The following ASXL3 variants were observed in gnomAD, a reference collection of about 807,000 sequenced individuals.
ASXL3 encodes ASXL transcriptional regulator 3.
In ASXL3, 34 loss-of-function variants were observed where a neutral mutation model predicts 170.6. The observed-to-expected ratio is 0.20, with a 90% CI of 0.15 to 0.27. ASXL3 has a LOEUF of 0.27. Among genes scored for constraint, ASXL3 ranks in the 10% least tolerant of loss-of-function variants. The probability of loss-of-function intolerance (pLI) is 1.00; values close to 1 mark genes in which losing one functional copy is unlikely to be tolerated. For missense variants in ASXL3, 2,592 were observed against 2,695.3 expected, an observed-to-expected ratio of 0.96 and a Z score of 0.85; for synonymous variants, 1,002 against 989.1, an observed-to-expected ratio of 1.01 and a Z score of -0.24.
intron 4 of ASXL3, among the ~76,000 whole-genome samples, chr18:33,657,277 C>T (rs999326611): frequency 1.3e-5 from 2 of 152,046 alleles, no homozygotes; most frequent in African/African-American, 4.8e-5. Flanking sequence ...ACAACAAACA[C>T]AGCAAGTAGA....
intron 4 of ASXL3, among the ~76,000 whole-genome samples, chr18:33,656,177 A>G (rs953983412): frequency 6.6e-6 from 1 of 152,092 alleles, no homozygotes; most frequent in Non-Finnish European, 1.5e-5. Flanking sequence ...CTAATACACT[A>G]TGTATCCTTT....
chr18:33,670,661 T>TA lies in ASXL3; in HGVS notation c.478-11dup. On this transcript the variant is annotated splice_polypyrimidine_tract_variant and intron_variant, in intron 5 of 11. Transcript: ENST00000269197. Reference sequence around the variant, plus strand: ...ATATTTTTATGTTATATCTTTTTATTATGTTTTGTAGGCTTTGAGGCAGCA... The same window carrying TA: ...ATATTTTTATGTTATATCTTTTTATTAATGTTTTGTAGGCTTTGAGGCAGCA... The TA allele has an allele frequency of 6.7e-7, 1 of 1,502,486 alleles. No homozygotes were observed. 93.1% of individuals were successfully genotyped at this position (1,502,486 alleles called of 1,614,324 possible). A position where few individuals can be genotyped will look rare whatever the true frequency, so the allele number is the denominator to read the frequency against.
rs987396178 is a variant in ASXL3, at chr18:33,618,965, C to G, written c.137+11289C>G. Among the ~76,000 whole-genome samples, 10 of 151,976 alleles carry G rather than the reference C, an allele frequency of 6.6e-5. No individual in the cohort carries two copies. In the East Asian group the frequency reaches 1.9e-3, roughly 29 times the overall value. ...AAATGCTGTGTTTTATATAGTATGT[C>G]AAGCAAATTAATAAATAGGGACATG... is the stretch of plus-strand genomic sequence containing the variant. On this transcript the variant is annotated intron_variant, in intron 2 of 11. Coordinates refer to ENST00000269197, the MANE Select transcript of ASXL3 (RefSeq NM_030632.3).
At chr18:33,686,856 G>A (rs983543589) in intron 8 of ASXL3, among the ~76,000 whole-genome samples, 11 of 152,150 alleles carry the variant, frequency 7.2e-5, no homozygotes, top group African/African-American at 2.7e-4. Flanking sequence ...AGAATCCAAA[G>A]GATAAATAAA....
intron 1 of ASXL3, among the ~76,000 whole-genome samples, chr18:33,580,053 T>C (rs1176344280): frequency 1.3e-5 from 2 of 152,212 alleles, no homozygotes; most frequent in African/African-American, 4.8e-5. Flanking sequence ...ACAAAGTCCT[T>C]TTTAATTGCA....
intron 1 of ASXL3, among the ~76,000 whole-genome samples, chr18:33,580,815 G>C (rs1283976075): frequency 6.6e-6 from 1 of 152,134 alleles, no homozygotes; most frequent in East Asian, 1.9e-4. Context: ...TATTGAACTA[G>C]TAGTTATGGT....
intron 4 of ASXL3, among the ~76,000 whole-genome samples, chr18:33,646,600 T>G (rs1187495940): frequency 6.6e-6 from 1 of 152,058 alleles, no homozygotes; most frequent in African/African-American, 2.4e-5. Context: ...AATACTTCTT[T>G]AAGTATCAAC....
intron 2 of ASXL3, among the ~76,000 whole-genome samples, chr18:33,613,660 T>C (rs1291947488): frequency 2.6e-5 from 4 of 152,156 alleles, no homozygotes; most frequent in African/African-American, 4.8e-5. Context: ...GACTCATGCC[T>C]ATAATCCCAA....
intron 2 of ASXL3, among the ~76,000 whole-genome samples, chr18:33,641,987 A>T (rs896654993): frequency 6.6e-6 from 1 of 152,066 alleles, no homozygotes; most frequent in South Asian, 2.1e-4. Context: ...TAAATTAAAA[A>T]TAAGAACCAT....
At chr18:33,580,200 G>T (rs1035133701) in intron 1 of ASXL3, among the ~76,000 whole-genome samples, 3 of 152,242 alleles carry the variant, frequency 2.0e-5, no homozygotes, top group African/African-American at 7.2e-5. Context: ...ATGGGCAGGT[G>T]ATAGTGATTC....
At chr18:33,676,523 T>C (rs1344895974) in intron 7 of ASXL3, among the ~76,000 whole-genome samples, 2 of 152,180 alleles carry the variant, frequency 1.3e-5, no homozygotes, top group African/African-American at 2.4e-5. Context: ...AACAAAACTT[T>C]GGTGGTCCCT....
intron 1 of ASXL3, among the ~76,000 whole-genome samples, chr18:33,604,521 T>C (rs1322710990): frequency 6.6e-6 from 1 of 151,978 alleles, no homozygotes. Context: ...GAGTGAAGTA[T>C]AATATTACAG....
chr18:33,646,180 A>G, intron 3 of ASXL3, 65 bp from the exon 4 acceptor site: 1 of 1,234,686 alleles, frequency 8.1e-7, no homozygotes, highest in Non-Finnish European at 1.2e-6. Context: ...TTCTGCAAGT[A>G]TTTTGAATGT....
At position 33,743,572 on chromosome 18, in the gene ASXL3, A is replaced by G; in HGVS notation, c.3724A>G (p.Ser1242Gly). ...NKNSVPVSVC[S>G]TAISGAIKEH... ...AAATTCTGTCCCTGTATCTGTTTGCAGCACTGCTATATCGGGAGCAATTAA... is the reference window on the plus strand; with the variant it reads ...AAATTCTGTCCCTGTATCTGTTTGCGGCACTGCTATATCGGGAGCAATTAA... The change falls in exon 12 of 12, where the codon AGC (serine) becomes GGC (glycine). Residue 1242 changes from serine (S) to glycine (G), a missense_variant. This residue lies in a region of ASXL3 where 2,246 missense variants were observed against 2,219.6 expected (regional missense o/e 1.01). Coordinates refer to ENST00000269197, the MANE Select transcript of ASXL3 (RefSeq NM_030632.3). 1 of 1,613,232 alleles carries G rather than the reference A, an allele frequency of 6.2e-7. No homozygotes were observed. Among genetic ancestry groups the G allele is most frequent in the South Asian group, 1.1e-5 (1 of 91,088 alleles).
intron 3 of ASXL3, among the ~76,000 whole-genome samples, chr18:33,645,991 C>A (rs928746044): frequency 1.3e-5 from 2 of 149,216 alleles, no homozygotes; most frequent in Non-Finnish European, 3.0e-5. Flanking sequence ...AAGATGGAAA[C>A]AACATATGTC....
At chr18:33,670,876 G>C in intron 6 of ASXL3, 86 bp downstream of exon 6, 1 of 827,900 alleles carries the variant, frequency 1.2e-6, no homozygotes, top group Non-Finnish European at 1.8e-6. Context: ...TTTTTTTTCT[G>C]AAACTGAATA....
In ASXL3 at chr18:33,720,161, C is replaced by T. The variant is rs1035394066; in HGVS notation, c.880-11807C>T. 2.0e-5 allele frequency among the ~76,000 whole-genome samples: 3 copies of T among 151,992 alleles called. No homozygotes were observed. In the East Asian group the frequency reaches 5.8e-4, roughly 29 times the overall value. ...CCTAGCATCCTTTCCTTCTCAGGCA[C>T]GCCCCATGCTATTAAAAAAGACATT... On this transcript the variant is annotated intron_variant, in intron 8 of 11. Transcript: ENST00000269197.
At position 33,734,292 on chromosome 18, in the gene ASXL3, T is replaced by G; in HGVS notation, c.977-18T>G. ...GATGTGACCACATTTATTCAATACATTAGCATTTTCTTTTTAGGAGAGTTT... is the reference window on the plus strand; with the variant it reads ...GATGTGACCACATTTATTCAATACAGTAGCATTTTCTTTTTAGGAGAGTTT... On this transcript the variant is annotated intron_variant, in intron 9 of 11. Coordinates refer to ENST00000269197, the MANE Select transcript of ASXL3 (RefSeq NM_030632.3). The G allele has an allele frequency of 1.3e-6, 2 of 1,548,058 alleles. No homozygotes were observed. Among genetic ancestry groups the G allele is most frequent in the East Asian group, 4.5e-5 (2 of 44,196 alleles).
intron 1 of ASXL3, among the ~76,000 whole-genome samples, chr18:33,584,648 A>G (rs1005116648): frequency 6.6e-6 from 1 of 152,154 alleles, no homozygotes; most frequent in African/African-American, 2.4e-5. Context: ...AGTAAATTAT[A>G]TACATTACAT....
Sources: allele counts gnomAD v4.1 joint callset (sites outside exome capture counted in the v4.1 genomes callset), GRCh38; gene constraint gnomAD v4.1.1; regional missense constraint gnomAD v4.1.1; transcripts MANE v1.5; gene names NCBI Gene and HGNC (gene_info 2026-07-23, HGNC 2026-07-21).